CADPS: variants seen among roughly 807,000 people sequenced by gnomAD.
The protein encoded by CADPS is calcium dependent secretion activator.
In CADPS, 57 loss-of-function variants were observed where a neutral mutation model predicts 167.3. That is an observed-to-expected ratio of 0.34 (90% confidence interval 0.28 to 0.42). The LOEUF (loss-of-function observed/expected upper bound fraction) is 0.42. Ranked by LOEUF, CADPS falls within the 20% of genes least tolerant of loss-of-function variation. The probability of loss-of-function intolerance (pLI) is 1.00; values close to 1 mark genes in which losing one functional copy is unlikely to be tolerated. For missense variants in CADPS, 1,414 were observed against 1,738.1 expected (o/e 0.81, Z 3.32); for synonymous variants, 676 against 635.3 (o/e 1.06, Z -0.96).
chr3:62,690,597 A>C (rs944066738), intron 3 of CADPS, among the ~76,000 whole-genome samples: 6 of 151,794 alleles, frequency 4.0e-5, no homozygotes, highest in Non-Finnish European at 8.8e-5. Context: ...CATGGTAGGA[A>C]GCACACTCCT....
intron 10 of CADPS, among the ~76,000 whole-genome samples, chr3:62,550,508 A>T (rs999475829): frequency 4.6e-5 from 7 of 152,200 alleles, no homozygotes; most frequent in Non-Finnish European, 8.8e-5. Context: ...AACGAAAGGG[A>T]AATCTCTACC....
chr3:62,599,864 A>G (rs1350897453), intron 6 of CADPS, among the ~76,000 whole-genome samples: 3 of 67,388 alleles, frequency 4.5e-5, no homozygotes, highest in Non-Finnish European at 7.3e-5. Flanking sequence ...TATATATAAT[A>G]TATAATAATA....
intron 1 of CADPS, among the ~76,000 whole-genome samples, chr3:62,776,216 G>T (rs760418579): frequency 5.9e-5 from 9 of 152,134 alleles, no homozygotes; most frequent in Non-Finnish European, 8.8e-5. Flanking sequence ...GTATAGTCTT[G>T]GAGAATATAG....
At chr3:62,671,189 A>T (rs1320129571) in intron 3 of CADPS, among the ~76,000 whole-genome samples, 1 of 152,196 alleles carries the variant, frequency 6.6e-6, no homozygotes, top group Non-Finnish European at 1.5e-5. Flanking sequence ...ATCATGTCCC[A>T]AATATGAGGG....
chr3:62,493,962 A>G (rs2064183435), intron 18 of CADPS, among the ~76,000 whole-genome samples: 1 of 152,240 alleles, frequency 6.6e-6, no homozygotes, highest in African/African-American at 2.4e-5. Flanking sequence ...AACGTTTTTT[A>G]AGCATGTAAT....
chr3:62,810,448 C>G (rs2094340245), intron 1 of CADPS, among the ~76,000 whole-genome samples: 1 of 152,054 alleles, frequency 6.6e-6, no homozygotes, highest in Non-Finnish European at 1.5e-5. Context: ...TTCTGAGAAG[C>G]AGCTTTTCAA....
At chr3:62,568,246 T>C (rs2080649812) in intron 9 of CADPS, among the ~76,000 whole-genome samples, 1 of 152,218 alleles carries the variant, frequency 6.6e-6, no homozygotes, top group Non-Finnish European at 1.5e-5. Flanking sequence ...GATGCCTAGA[T>C]GGCTGGTGGA....
intron 3 of CADPS, among the ~76,000 whole-genome samples, chr3:62,705,548 T>C (rs2082164163): frequency 6.6e-6 from 1 of 152,032 alleles, no homozygotes; most frequent in Admixed American, 6.6e-5. Flanking sequence ...GCAATCTGGG[T>C]GGGCACAATA....
chr3:62,680,643 CCTCT>C (rs2077015893), intron 3 of CADPS, among the ~76,000 whole-genome samples: 1 of 152,058 alleles, frequency 6.6e-6, no homozygotes, highest in Admixed American at 6.6e-5. Context: ...CTCCCTCCCT[CCTCT>C]CTATCTTCCG....
chr3:62,400,836 G>T (rs1433201760), intron 29 of CADPS, among the ~76,000 whole-genome samples: 6 of 152,122 alleles, frequency 3.9e-5, no homozygotes. Flanking sequence ...CTGACCTTGT[G>T]ATCCACCCGC....
chr3:62,413,563 T>C (rs2049389926), intron 28 of CADPS, among the ~76,000 whole-genome samples: 1 of 152,178 alleles, frequency 6.6e-6, no homozygotes, highest in Non-Finnish European at 1.5e-5. Flanking sequence ...ATATGAGGTA[T>C]CTAGAACAGT....
chr3:62,657,870 T>A (rs2072103865), intron 4 of CADPS, among the ~76,000 whole-genome samples: 1 of 152,122 alleles, frequency 6.6e-6, no homozygotes, highest in Admixed American at 6.6e-5. Context: ...AGAATGCTGC[T>A]GGCAAAATAA....
Position 62,421,679 on chromosome 3 carries a change from G to A in CADPS, c.3777+16425C>T, listed in dbSNP as rs1018545561. On this transcript the variant is annotated intron_variant, in intron 28 of 29. Transcript: ENST00000383710. This position sits in a 1 kb window ranked among gnomAD's most constrained non-coding sequence, Gnocchi z 4.7. ...TTTCCCCCCAAAGGAGGGGGAAGGG[G>A]GGACTTTGCCCAAGCCAAGGATTTG... Among the ~76,000 whole-genome samples, 1 of 152,204 alleles carries A rather than the reference G, an allele frequency of 6.6e-6. No individual in the cohort carries two copies. The highest frequency in any genetic ancestry group is 1.5e-5 in the Non-Finnish European group (1 of 68,038).
At chr3:62,719,948 A>G (rs1195487863) in intron 3 of CADPS, among the ~76,000 whole-genome samples, 1 of 152,122 alleles carries the variant, frequency 6.6e-6, no homozygotes, top group East Asian at 1.9e-4. Context: ...GACCCTCCAG[A>G]GCTTTCTTTT....
chr3:62,711,698 G>C (rs963544195), intron 3 of CADPS, among the ~76,000 whole-genome samples: 3 of 152,174 alleles, frequency 2.0e-5, no homozygotes, highest in African/African-American at 7.2e-5. Context: ...CTCCCCTCAG[G>C]TCAACACTCC....
At chr3:62,721,226 G>C (rs2075768646) in intron 3 of CADPS, among the ~76,000 whole-genome samples, 1 of 151,540 alleles carries the variant, frequency 6.6e-6, no homozygotes, top group African/African-American at 2.4e-5. Flanking sequence ...GCTCATCAGA[G>C]CGGCTGGGAT....
At position 62,493,608 on chromosome 3, in the gene CADPS, C is replaced by A. The variant is rs190617870; in HGVS notation, c.2727+37G>T. The stretch of plus-strand genomic sequence containing the variant: ...AGCCACTAGGAGGCAGAATAGGGGT[C>A]CACCTCTCTTCTTTCACGAGATTTC... On this transcript the variant is annotated intron_variant, in intron 19 of 29. Coordinates refer to ENST00000383710, the MANE Select transcript of CADPS (RefSeq NM_003716.4). The A allele has an allele frequency of 2.6e-5, 40 of 1,519,086 alleles. No homozygotes were observed. The African/African-American group carries it at 3.9e-4, about 15-fold the overall frequency. The allele number at this position is 1,519,086 out of a possible 1,614,324, so 94.1% of individuals were successfully genotyped here.
At chr3:62,799,009 C>G (rs773501310) in intron 1 of CADPS, among the ~76,000 whole-genome samples, 32 of 152,126 alleles carry the variant, frequency 2.1e-4, no homozygotes, top group Non-Finnish European at 3.4e-4. Flanking sequence ...TAGTATTACC[C>G]TATAGAGCTG....
At chr3:62,560,085 C>T (rs193291318) in intron 9 of CADPS, among the ~76,000 whole-genome samples, 1 of 151,214 alleles carries the variant, frequency 6.6e-6, no homozygotes, top group East Asian at 1.9e-4. Flanking sequence ...AACTGAATTG[C>T]TTTGAGTTGG....
Sources: gnomAD v4.1 joint callset for allele counts (sites outside exome capture counted in the v4.1 genomes callset) on GRCh38, gnomAD v4.1.1 for gene constraint, Gnocchi (gnomAD v3.1) non-coding constraint, MANE v1.5 for transcripts, NCBI Gene and HGNC (gene_info 2026-07-23, HGNC 2026-07-21) for gene names.